CALM3: variants seen among roughly 807,000 people sequenced by gnomAD.
The protein encoded by CALM3 is calmodulin 3.
A neutral mutation model predicts 20.1 loss-of-function variants in CALM3; 5 were observed. That is an observed-to-expected ratio of 0.25 (90% CI 0.13 to 0.52). CALM3 has a LOEUF of 0.52. Among genes scored for constraint, CALM3 ranks in the 20% least tolerant of loss-of-function variants. The pLI is 0.96. For missense variants in CALM3, 57 were observed against 192.8 expected, an observed-to-expected ratio of 0.30 and a Z score of 4.17; for synonymous variants, 69 against 68.1, an observed-to-expected ratio of 1.01 and a Z score of -0.06.
At position 46,607,741 on chromosome 19, in the gene CALM3, G is replaced by A. The variant is rs541719640; in HGVS notation, c.35-456G>A. On this transcript the variant is annotated intron_variant, in intron 2 of 5. Transcript: ENST00000291295. Reference sequence around the variant, plus strand: ...GATGCCTGCATTTCCTCTTCAGGCCGGCCAGAGGCATTCTGCAGCCTCCCC... The same window carrying A: ...GATGCCTGCATTTCCTCTTCAGGCCAGCCAGAGGCATTCTGCAGCCTCCCC... Among the ~76,000 whole-genome samples, 141 of 152,336 alleles carry A rather than the reference G, an allele frequency of 9.3e-4. 1 individual carries two copies. The highest frequency in any genetic ancestry group is 3.2e-3 in the African/African-American group (131 of 41,574).
chr19:46,603,539 G>T (rs1040867938), intron 1 of CALM3, among the ~76,000 whole-genome samples: 2 of 151,996 alleles, frequency 1.3e-5, no homozygotes, highest in South Asian at 2.1e-4. Flanking sequence ...CCACCTCATG[G>T]TTTTTTTTCT....
chr19:46,608,689 T>G lies in CALM3; in HGVS notation c.285+101T>G. ...AGCTACCACTTCCAGGAGGTCCGGG[T>G]CCCGGTGCCAGCCTCATTGCCAACC... On this transcript the variant is annotated intron_variant, in intron 4 of 5. Transcript: ENST00000291295. The surrounding 1 kb of genome is among the most constrained non-coding windows in gnomAD (Gnocchi z 5.5). 2 of 1,271,112 alleles carry G rather than the reference T, an allele frequency of 1.6e-6. No individual in the cohort carries two copies. Among genetic ancestry groups the G allele is most frequent in the Non-Finnish European group, 2.2e-6 (2 of 898,500 alleles). The allele number at this position is 1,271,112 out of a possible 1,614,324, so 78.7% of individuals were successfully genotyped here.
chr19:46,602,852 G>A (rs144358793), intron 1 of CALM3, among the ~76,000 whole-genome samples: 1,547 of 152,204 alleles, frequency 0.01, 16 homozygotes, highest in African/African-American at 0.034. Flanking sequence ...GCTGCACCTC[G>A]TCACTTGTGC....
chr19:46,603,839 CAG>C (rs905937133), intron 1 of CALM3, among the ~76,000 whole-genome samples: 3 of 152,304 alleles, frequency 2.0e-5, no homozygotes, highest in African/African-American at 7.2e-5. Context: ...AACCCTGTGA[CAG>C]AACTGAACAT....
At chr19:46,609,091 GC>G (rs1187490262) in intron 5 of CALM3, 33 bp from the exon 6 acceptor site, 1 of 1,613,746 alleles carries the variant, frequency 6.2e-7, no homozygotes, top group African/African-American at 1.3e-5. Flanking sequence ...TAGCCTGCCC[GC>G]CTGACCTCCT....
chr19:46,604,907 C>A (rs1338241490), intron 1 of CALM3, among the ~76,000 whole-genome samples: 1 of 152,016 alleles, frequency 6.6e-6, no homozygotes, highest in Non-Finnish European at 1.5e-5. Context: ...CCGCTCCTGC[C>A]CCATAGGATC....
At chr19:46,602,216 AGT>A (rs1203364241) in intron 1 of CALM3, 2 of 1,353,458 alleles carry the variant, frequency 1.5e-6, no homozygotes, top group South Asian at 2.3e-5. Context: ...GGATGGTGAG[AGT>A]GGGGCTCGCC....
At position 46,610,470 on chromosome 19, in the gene CALM3, T is replaced by TCCCC. The variant is rs1971859624; in HGVS notation, c.*1318_*1321dup. 1.7e-5 allele frequency: 1 copy of TCCCC among 57,432 alleles called. No individual in the cohort carries two copies. The highest frequency in any genetic ancestry group is 6.9e-5 in the African/African-American group (1 of 14,532). The allele number at this position is 57,432 out of a possible 1,614,324, so 3.6% of individuals were successfully genotyped here. A position where few individuals can be genotyped will look rare whatever the true frequency, so the allele number is the denominator to read the frequency against. ...ATTTCATCTGGCTCCCCCCACCACC[T>TCCCC]CCCCACCCCACCCCCCACCCCCTGC... On this transcript the variant is annotated 3_prime_UTR_variant, in exon 6 of 6. Transcript: ENST00000291295.
At position 46,609,206 on chromosome 19, in the gene CALM3, G is replaced by C; in HGVS notation, c.*53G>C. 2 of 1,571,380 alleles carry C rather than the reference G, an allele frequency of 1.3e-6. No individual in the cohort carries two copies. Among genetic ancestry groups the C allele is most frequent in the Non-Finnish European group, 1.7e-6 (2 of 1,145,916 alleles). ...GTTCTCTTGATCTCTCTCTTCTCGC[G>C]CGCGCACTCTCTCTTCAACACTCCC... On this transcript the variant is annotated 3_prime_UTR_variant, in exon 6 of 6. Coordinates refer to ENST00000291295, the MANE Select transcript of CALM3 (RefSeq NM_005184.4).
intron 1 of CALM3, among the ~76,000 whole-genome samples, chr19:46,602,888 C>T (rs1414320102): frequency 2.0e-5 from 3 of 152,252 alleles, no homozygotes; most frequent in Admixed American, 2.0e-4. Flanking sequence ...TACAGTGTGG[C>T]GTCAGTGACA....
At chr19:46,603,963 C>G (rs906121772) in intron 1 of CALM3, among the ~76,000 whole-genome samples, 1 of 152,234 alleles carries the variant, frequency 6.6e-6, no homozygotes, top group Non-Finnish European at 1.5e-5. Flanking sequence ...CCCCCACCCC[C>G]AGCCCCTTAC....
In CALM3 at chr19:46,605,540, A is replaced by G. The variant is rs1971724252; in HGVS notation, c.4-287A>G. Among the ~76,000 whole-genome samples the G allele has an allele frequency of 1.3e-5, 2 of 152,370 alleles. No homozygotes were observed. Among genetic ancestry groups the G allele is most frequent in the South Asian group, 2.1e-4 (1 of 4,834 alleles). On this transcript the variant is annotated intron_variant, in intron 1 of 5. Transcript: ENST00000291295. The surrounding 1 kb of genome is among the most constrained non-coding windows in gnomAD (Gnocchi z 4.1). Reference sequence around the variant, plus strand: ...TTTCTCCCGCCCCTGTGGCTCCCACATGCTGAGTTGAGATTGGAAGCCCGT... The same window carrying G: ...TTTCTCCCGCCCCTGTGGCTCCCACGTGCTGAGTTGAGATTGGAAGCCCGT...
rs543382222 is a variant in CALM3, at chr19:46,606,783, T to C, written c.34+926T>C. 1.1e-4 allele frequency among the ~76,000 whole-genome samples: 16 copies of C among 152,304 alleles called. No individual in the cohort carries two copies. In the South Asian group the frequency reaches 3.3e-3, roughly 32 times the overall value. ...TCCGTGCCTGCCTACCCGCCCATACTGAGCTGCCCGAGGACAGAGAGCAAC... is the reference window on the plus strand; with the variant it reads ...TCCGTGCCTGCCTACCCGCCCATACCGAGCTGCCCGAGGACAGAGAGCAAC... On this transcript the variant is annotated intron_variant, in intron 2 of 5. Coordinates refer to ENST00000291295, the MANE Select transcript of CALM3 (RefSeq NM_005184.4).
At chr19:46,603,750 C>T (rs976564978) in intron 1 of CALM3, among the ~76,000 whole-genome samples, 1 of 152,160 alleles carries the variant, frequency 6.6e-6, no homozygotes, top group African/African-American at 2.4e-5. Flanking sequence ...TTTCCTTGAC[C>T]AAGCAGGGAA....
At chr19:46,601,298 AGGCGGC>A, upstream of CALM3, 8 of 723,428 alleles carry the variant, frequency 1.1e-5, no homozygotes, top group South Asian at 1.1e-4. The surrounding 1 kb of genome is among the most constrained non-coding windows in gnomAD (Gnocchi z 4.2). Context: ...TTGGGGCGGG[AGGCGGC>A]GGCGGCGGCG....
chr19:46,604,659 G>A (rs963796607), intron 1 of CALM3, among the ~76,000 whole-genome samples: 91 of 151,088 alleles, frequency 6.0e-4, no homozygotes, highest in African/African-American at 2.0e-3. Context: ...GAACCTCTCC[G>A]TAGAATACTG....
upstream of CALM3, chr19:46,601,187 G>A (rs1971601947): frequency 2.4e-6 from 1 of 423,248 alleles, no homozygotes. This position sits in a 1 kb window ranked among gnomAD's most constrained non-coding sequence, Gnocchi z 4.2. Flanking sequence ...GTGTGGAGCG[G>A]GGCGCGGAGG....
chr19:46,601,514 CAG>C lies in CALM3; in HGVS notation c.3+80_3+81del. ...CGGGGCAGGACCCCTGAGGGGGCGA[CAG>C]AGCCCAGAGTGGGGGGCGTCCGGGC... On this transcript the variant is annotated intron_variant, in intron 1 of 5. Coordinates refer to ENST00000291295, the MANE Select transcript of CALM3 (RefSeq NM_005184.4). The surrounding 1 kb of genome is among the most constrained non-coding windows in gnomAD (Gnocchi z 4.2). The C allele has an allele frequency of 7.7e-7, 1 of 1,299,164 alleles. No individual in the cohort carries two copies. The highest frequency in any genetic ancestry group is 1.8e-5 in the South Asian group (1 of 55,340). The allele number at this position is 1,299,164 out of a possible 1,614,324, so 80.5% of individuals were successfully genotyped here.
upstream of CALM3, chr19:46,601,315 G>T (rs1971608344): frequency 2.1e-6 from 2 of 960,374 alleles, no homozygotes; most frequent in Non-Finnish European, 2.7e-6. This position sits in a 1 kb window ranked among gnomAD's most constrained non-coding sequence, Gnocchi z 4.2. Flanking sequence ...GGCGGCGGCG[G>T]CGCGCGCTGC....
Sources: allele counts gnomAD v4.1 joint callset (sites outside exome capture counted in the v4.1 genomes callset), GRCh38; gene constraint gnomAD v4.1.1; non-coding constraint Gnocchi (gnomAD v3.1); transcripts MANE v1.5; gene names NCBI Gene and HGNC (gene_info 2026-07-23, HGNC 2026-07-21).